The following SYBU variants were observed in gnomAD, a reference collection of about 807,000 sequenced individuals.
SYBU encodes syntabulin.
SYBU carries 21 observed loss-of-function variants against 35.9 expected under a neutral mutation model. The ratio of observed to expected loss-of-function variants is 0.58; its 90% CI spans 0.41 to 0.84. The LOEUF is 0.84. Ranked by LOEUF, SYBU falls within the 40% of genes least tolerant of loss-of-function variation. The probability of loss-of-function intolerance (pLI) is 0.00; values close to 1 mark genes in which losing one functional copy is unlikely to be tolerated. For missense variants in SYBU, 768 were observed against 848.2 expected (o/e 0.91, Z 1.17); for synonymous variants, 319 against 324.3 (o/e 0.98, Z 0.18).
intron 2 of SYBU, among the ~76,000 whole-genome samples, chr8:109,627,401 T>C (rs182189006): frequency 6.6e-6 from 1 of 152,336 alleles, no homozygotes. Context: ...ATGATAAATA[T>C]AAACCAGGTG....
upstream of SYBU, among the ~76,000 whole-genome samples, chr8:109,684,659 CA>C (rs1271637095): frequency 1.3e-5 from 2 of 152,182 alleles, no homozygotes; most frequent in Middle Eastern, 3.2e-3. Flanking sequence ...TACTTCACTT[CA>C]AAAAGAAGTA....
At chr8:109,660,622 G>T (rs1267981769) in intron 1 of SYBU, among the ~76,000 whole-genome samples, 1 of 152,082 alleles carries the variant, frequency 6.6e-6, no homozygotes, top group Non-Finnish European at 1.5e-5. Context: ...GGAGCTGAAA[G>T]AAGTAAATGG....
At chr8:109,576,058 A>AC in intron 6 of SYBU, 45 bp from the exon 7 acceptor site, 1 of 1,497,634 alleles carries the variant, frequency 6.7e-7, no homozygotes, top group Non-Finnish European at 8.8e-7. Context: ...AAAAAAAAAA[A>AC]AAAAAAAAAA....
intron 1 of SYBU, among the ~76,000 whole-genome samples, chr8:109,674,788 C>T: frequency 6.6e-6 from 1 of 152,174 alleles, no homozygotes; most frequent in Non-Finnish European, 1.5e-5. Flanking sequence ...CTGGACCAAG[C>T]AGACATAATA....
At chr8:109,627,241 T>A (rs1299870137) in intron 2 of SYBU, among the ~76,000 whole-genome samples, 1 of 152,230 alleles carries the variant, frequency 6.6e-6, no homozygotes, top group Non-Finnish European at 1.5e-5. Flanking sequence ...AAGCATTTAC[T>A]GACTACTTAT....
At chr8:109,626,101 T>C (rs1812951682) in intron 2 of SYBU, among the ~76,000 whole-genome samples, 1 of 152,216 alleles carries the variant, frequency 6.6e-6, no homozygotes, top group South Asian at 2.1e-4. Flanking sequence ...ATTGTTCAAG[T>C]CCTTGATAAT....
chr8:109,631,438 G>C (rs1028926301), intron 2 of SYBU, among the ~76,000 whole-genome samples: 2 of 152,110 alleles, frequency 1.3e-5, no homozygotes, highest in African/African-American at 4.8e-5. Context: ...TTGGAGCTTC[G>C]AGTGCTCCCA....
rs114743990 is a variant in SYBU, at chr8:109,611,902, T to C, written c.427+6940A>G. On this transcript the variant is annotated intron_variant, in intron 3 of 6. Transcript: ENST00000276646. ...CTGGCAACTGTCAACATAATGTACA[T>C]ATGGACTGTATCAGCTAATTTATAA... 8.4e-3 allele frequency among the ~76,000 whole-genome samples: 1,274 copies of C among 152,304 alleles called. 10 individuals carry two copies. The highest frequency in any genetic ancestry group is 0.029 in the African/African-American group (1,211 of 41,566).
intron 2 of SYBU, among the ~76,000 whole-genome samples, chr8:109,623,183 C>A (rs1404352837): frequency 6.6e-6 from 1 of 152,178 alleles, no homozygotes; most frequent in Non-Finnish European, 1.5e-5. Flanking sequence ...AAATATGGGA[C>A]AATTTCCTTC....
At chr8:109,619,109 G>C in intron 2 of SYBU, 70 bp from the exon 3 acceptor site, 2 of 1,218,982 alleles carry the variant, frequency 1.6e-6, no homozygotes, top group South Asian at 2.5e-5. Flanking sequence ...GCCATGCGGT[G>C]CACCACACAC....
At chr8:109,632,089 G>A (rs199957933) in intron 2 of SYBU, among the ~76,000 whole-genome samples, 4 of 152,048 alleles carry the variant, frequency 2.6e-5, no homozygotes, top group South Asian at 2.1e-4. Flanking sequence ...CGCTCTTGTC[G>A]CCCAGGCTGG....
chr8:109,594,489 G>A (rs922526414), intron 3 of SYBU, among the ~76,000 whole-genome samples: 15 of 151,960 alleles, frequency 9.9e-5, no homozygotes, highest in African/African-American at 3.6e-4. Flanking sequence ...ACATCCAATG[G>A]GGCCCTAAAA....
chr8:109,636,041 G>T (rs1814188759), intron 2 of SYBU, among the ~76,000 whole-genome samples: 1 of 152,100 alleles, frequency 6.6e-6, no homozygotes, highest in Non-Finnish European at 1.5e-5. Flanking sequence ...CTATCCAGGT[G>T]GTCTCACTCT....
chr8:109,636,714 T>C (rs1814268676), intron 2 of SYBU, among the ~76,000 whole-genome samples: 1 of 152,030 alleles, frequency 6.6e-6, no homozygotes, highest in Non-Finnish European at 1.5e-5. Flanking sequence ...AAAAAGAATA[T>C]GCAAAATAGT....
chr8:109,648,416 A>G (rs1040327696), upstream of SYBU, among the ~76,000 whole-genome samples: 4 of 151,584 alleles, frequency 2.6e-5, no homozygotes, highest in African/African-American at 9.7e-5. Context: ...TAATTAAATG[A>G]TTCCTACCTT....
intron 1 of SYBU, among the ~76,000 whole-genome samples, chr8:109,653,007 G>C (rs1269994646): frequency 6.6e-6 from 1 of 151,996 alleles, no homozygotes; most frequent in Non-Finnish European, 1.5e-5. Flanking sequence ...GTACAAACTG[G>C]GGATTTAACA....
At position 109,607,994 on chromosome 8, in the gene SYBU, C is replaced by A. The variant is rs1228665086; in HGVS notation, c.427+10848G>T. ...AGCACAGGCTGGGGTATGTCTTTTG[C>A]AGAAATACAGTGTGTGCAGCTCATA... On this transcript the variant is annotated intron_variant, in intron 3 of 6. Transcript: ENST00000276646. 6.5e-6 allele frequency: 10 copies of A among 1,529,094 alleles called. No individual in the cohort carries two copies. The East Asian group carries it at 2.2e-4, about 34-fold the overall frequency. 94.7% of individuals were successfully genotyped at this position (1,529,094 alleles called of 1,614,324 possible).
intron 2 of SYBU, among the ~76,000 whole-genome samples, chr8:109,641,617 A>C (rs1814888785): frequency 1.3e-5 from 2 of 152,134 alleles, no homozygotes; most frequent in Non-Finnish European, 2.9e-5. Context: ...TTAGGCTATA[A>C]CTCTCCTTGA....
At chr8:109,662,626 T>C (rs1291803708) in intron 1 of SYBU, among the ~76,000 whole-genome samples, 1 of 152,196 alleles carries the variant, frequency 6.6e-6, no homozygotes, top group Non-Finnish European at 1.5e-5. Flanking sequence ...TAGTGTAGGA[T>C]TTATCTTGTA....
Sources: gnomAD v4.1 joint callset for allele counts (sites outside exome capture counted in the v4.1 genomes callset) on GRCh38, gnomAD v4.1.1 for gene constraint, MANE v1.5 for transcripts, NCBI Gene and HGNC (gene_info 2026-07-23, HGNC 2026-07-21) for gene names.